Variants in VEZF1 observed in about 807,000 individuals in gnomAD.
VEZF1 encodes vascular endothelial zinc finger 1, also known as putative transcription factor DB1.
A neutral mutation model predicts 44.1 loss-of-function variants in VEZF1; 5 were observed. That is an observed-to-expected ratio of 0.11 (90% CI 0.06 to 0.24). The LOEUF is 0.24. Among genes scored for constraint, VEZF1 ranks in the 10% least tolerant of loss-of-function variants. VEZF1 has a pLI of 1.00. For synonymous variants in VEZF1, 236 were observed against 233.1 expected (o/e 1.01, Z -0.11); for missense variants, 358 against 641.8 (o/e 0.56, Z 4.78).
Position 57,979,240 on chromosome 17 carries a change from TTGTTGCTGC to T in VEZF1, c.1041_1049del (p.Gln352_Gln354del), listed in dbSNP as rs769222735. Reference sequence around the variant, plus strand: ...AGCTTGTCACATGTTGTTGTTGTTGTTGTTGCTGCTGCTGCTGCTGCTGCTGCTGCTGCT... The same window carrying T: ...AGCTTGTCACATGTTGTTGTTGTTGTTGCTGCTGCTGCTGCTGCTGCTGCT... On this transcript the variant is annotated inframe_deletion, in exon 5 of 6. Coordinates refer to ENST00000581208, the MANE Select transcript of VEZF1 (RefSeq NM_007146.3). 1 of 1,599,010 alleles carries T rather than the reference TTGTTGCTGC, an allele frequency of 6.3e-7. No individual in the cohort carries two copies.
chr17:57,979,689 G>A (rs1019011692), intron 4 of VEZF1, among the ~76,000 whole-genome samples: 1 of 152,158 alleles, frequency 6.6e-6, no homozygotes, highest in Non-Finnish European at 1.5e-5. Context: ...GCCGGGTGCA[G>A]TGGCTCATGC....
At position 57,988,162 on chromosome 17, in the gene VEZF1, T is replaced by A; in HGVS notation, c.-51A>T. ...CCCCACTCCCCCCGCTCGGGGAGCC[T>A]CCTCAGCCGGAGGAGGCGACAACAA... On this transcript the variant is annotated 5_prime_UTR_variant, in exon 1 of 6. Coordinates refer to ENST00000581208, the MANE Select transcript of VEZF1 (RefSeq NM_007146.3). 7.2e-6 allele frequency: 4 copies of A among 552,824 alleles called. No individual in the cohort carries two copies. Among genetic ancestry groups the A allele is most frequent in the South Asian group, 7.4e-5 (1 of 13,538 alleles). 34.2% of individuals were successfully genotyped at this position (552,824 alleles called of 1,614,324 possible). A position where few individuals can be genotyped will look rare whatever the true frequency, so the allele number is the denominator to read the frequency against.
intron 3 of VEZF1, among the ~76,000 whole-genome samples, chr17:57,981,128 G>A (rs575982304): frequency 6.6e-6 from 1 of 152,286 alleles, no homozygotes; most frequent in Non-Finnish European, 1.5e-5. Context: ...TCTGTAAAAT[G>A]GGGATAACAT....
rs2075262817 is a variant in VEZF1 at position 57,982,883 on chromosome 17, C to T, written c.544G>A (p.Ala182Thr). ...KNHACEMCGK[A>T]FRDVYHLNRH... ...TTGAGATGGTACACATCTCGGAAGG[C>T]CTTCCCACACATCTCACAAGCATGG... The change falls in exon 2 of 6, where the codon GCC (alanine) becomes ACC (threonine). Residue 182 changes from alanine (A) to threonine (T), a missense_variant. This residue lies in a region of VEZF1 where 117 missense variants were observed against 207.2 expected (regional missense o/e 0.56). Transcript: ENST00000581208. The T allele has an allele frequency of 1.9e-6, 3 of 1,614,140 alleles. No individual in the cohort carries two copies. The highest frequency in any genetic ancestry group is 2.5e-6 in the Non-Finnish European group (3 of 1,180,028).
At position 57,974,293 on chromosome 17, in the gene VEZF1, T is replaced by C. The variant is rs1329964202; in HGVS notation, c.*180A>G. On this transcript the variant is annotated 3_prime_UTR_variant, in exon 6 of 6. Coordinates refer to ENST00000581208, the MANE Select transcript of VEZF1 (RefSeq NM_007146.3). ...TAAACTAAAGTGGTCCAGTGATAAG[T>C]TACATACACACCCTACTTTGAATAA... is the stretch of plus-strand genomic sequence containing the variant. The C allele has an allele frequency of 2.8e-6, 2 of 708,386 alleles. No homozygotes were observed. Among genetic ancestry groups the C allele is most frequent in the Non-Finnish European group, 4.6e-6 (2 of 436,850 alleles). 43.9% of individuals were successfully genotyped at this position (708,386 alleles called of 1,614,324 possible).
chr17:57,976,888 C>CT (rs2075197135), intron 5 of VEZF1, among the ~76,000 whole-genome samples: 1 of 152,084 alleles, frequency 6.6e-6, no homozygotes, highest in African/African-American at 2.4e-5. Flanking sequence ...TCTCCACCTG[C>CT]TTTCACCAAA....
At position 57,988,075 on chromosome 17, in the gene VEZF1, G is replaced by A. The variant is rs2143394033; in HGVS notation, c.33+4C>T. On this transcript the variant is annotated splice_donor_region_variant and intron_variant, in intron 1 of 5. Coordinates refer to ENST00000581208, the MANE Select transcript of VEZF1 (RefSeq NM_007146.3). Reference sequence around the variant, plus strand: ...CCGTGCCCCCCCGGGGGGGCCCCCAGTACCTGGAACAGGAACGCGGTCCAG... The same window carrying A: ...CCGTGCCCCCCCGGGGGGGCCCCCAATACCTGGAACAGGAACGCGGTCCAG... The A allele has an allele frequency of 3.7e-6, 2 of 540,798 alleles. No homozygotes were observed. Among genetic ancestry groups the A allele is most frequent in the Non-Finnish European group, 5.0e-6 (2 of 396,472 alleles). The allele number at this position is 540,798 out of a possible 1,614,324, so 33.5% of individuals were successfully genotyped here. A position where few individuals can be genotyped will look rare whatever the true frequency, so the allele number is the denominator to read the frequency against.
rs141865746 is a variant in VEZF1 at position 57,978,433 on chromosome 17, T to A, written c.1138+719A>T. Among the ~76,000 whole-genome samples, 219 of 152,352 alleles carry A rather than the reference T, an allele frequency of 1.4e-3. 1 individual carries two copies. The highest frequency in any genetic ancestry group is 5.0e-3 in the African/African-American group (209 of 41,570). ...ATGATACATTGACAAAATGATTCAT[T>A]TGAAATGGCTGCACAATAGTCCAGA... On this transcript the variant is annotated intron_variant, in intron 5 of 5. Transcript: ENST00000581208.
At position 57,981,841 on chromosome 17, in the gene VEZF1, C is replaced by CAT; in HGVS notation, c.792+31_792+32insAT. 6 of 1,599,378 alleles carry CAT rather than the reference C, an allele frequency of 3.8e-6. No individual in the cohort carries two copies. The South Asian group carries it at 6.6e-5, about 18-fold the overall frequency. On this transcript the variant is annotated intron_variant, in intron 3 of 5. Transcript: ENST00000581208. ...CCTTCTGGATAATGTGCATTAAGTGCTACACTAAGGATAAGTCATTTTAAC... is the reference window on the plus strand; with the variant it reads ...CCTTCTGGATAATGTGCATTAAGTGCATTACACTAAGGATAAGTCATTTTAAC...
chr17:57,981,999 G>C, intron 2 of VEZF1, 63 bp from the exon 3 acceptor site: 1 of 1,556,228 alleles, frequency 6.4e-7, no homozygotes, highest in South Asian at 1.1e-5. Context: ...CTACTTATGT[G>C]ATGCTCACAT....
At position 57,980,497 on chromosome 17, in the gene VEZF1, G is replaced by A. The variant is rs796418400; in HGVS notation, c.976+106C>T. ...TGCCTGTTTGCACATGTTGGCAATA[G>A]GAGGAAACACGTAAGGTGAATATTA... is the stretch of plus-strand genomic sequence containing the variant. On this transcript the variant is annotated intron_variant, in intron 4 of 5. Transcript: ENST00000581208. The A allele has an allele frequency of 2.4e-5, 27 of 1,110,428 alleles. No individual in the cohort carries two copies. In the African/African-American group the frequency reaches 3.9e-4, roughly 16 times the overall value. The allele number at this position is 1,110,428 out of a possible 1,614,324, so 68.8% of individuals were successfully genotyped here.
chr17:57,987,519 C>T (rs1418074323), intron 1 of VEZF1, among the ~76,000 whole-genome samples: 1 of 152,142 alleles, frequency 6.6e-6, no homozygotes, highest in Admixed American at 6.5e-5. Context: ...CTGGGGATAC[C>T]CGCTATTCGC....
intron 1 of VEZF1, chr17:57,986,270 C>T (rs751177676): frequency 1.3e-5 from 2 of 152,030 alleles, no homozygotes; most frequent in Non-Finnish European, 2.9e-5. Flanking sequence ...ACCAGCTTTC[C>T]AAAGATGTGT....
chr17:57,974,243 T>C lies in VEZF1; in HGVS notation c.*230A>G. 3.6e-6 allele frequency: 2 copies of C among 557,704 alleles called. No homozygotes were observed. Among genetic ancestry groups the C allele is most frequent in the South Asian group, 5.1e-5 (2 of 38,912 alleles). 34.5% of individuals were successfully genotyped at this position (557,704 alleles called of 1,614,324 possible). ...CAACTACTATCCTGTTTAAGCAATG[T>C]TGTCAGCTAAAAGGAATTTCTGATT... On this transcript the variant is annotated 3_prime_UTR_variant, in exon 6 of 6. Transcript: ENST00000581208.
intron 1 of VEZF1, among the ~76,000 whole-genome samples, chr17:57,986,489 A>G (rs2075294984): frequency 6.6e-6 from 1 of 152,182 alleles, no homozygotes. Flanking sequence ...TTTCTTTTCC[A>G]ATGCATTTTC....
chr17:57,979,970 C>CAAAAAAAAAAAAAA (rs11359148), intron 4 of VEZF1, among the ~76,000 whole-genome samples: 1 of 68,438 alleles, frequency 1.5e-5, no homozygotes, highest in Non-Finnish European at 3.3e-5. Flanking sequence ...GACTCCGTCT[C>CAAAAAAAAAAAAAA]AAAAAAAAAA....
At chr17:57,980,051 T>C (rs1251050547) in intron 4 of VEZF1, among the ~76,000 whole-genome samples, 1 of 150,448 alleles carries the variant, frequency 6.6e-6, no homozygotes, top group Non-Finnish European at 1.5e-5. Flanking sequence ...TACAAAGAAG[T>C]GTACTTACAA....
At chr17:57,976,218 T>C (rs1044787785) in intron 5 of VEZF1, among the ~76,000 whole-genome samples, 1 of 151,910 alleles carries the variant, frequency 6.6e-6, no homozygotes, top group Admixed American at 6.5e-5. Flanking sequence ...AATGGAGAAA[T>C]ATACTTGAAC....
In VEZF1 at chr17:57,983,365, T is replaced by C; in HGVS notation, c.62A>G (p.Gln21Arg). Residue 21 changes from glutamine (Q) to arginine (R), a missense_variant, in exon 2 of 6, where the codon CAG (glutamine) becomes CGG (arginine). Physicochemically the swap from Gln to Arg is conservative, Grantham distance 43. Transcript: ENST00000581208. The part of the protein sequence containing the change: ...QAHEASHHQQ[Q>R]AAQNSLLPLL... Reference sequence around the variant, plus strand: ...GGGCAGCAAGCTGTTCTGTGCTGCCTGCTGTTGGTGATGGGAAGCTTCATG... The same window carrying C: ...GGGCAGCAAGCTGTTCTGTGCTGCCCGCTGTTGGTGATGGGAAGCTTCATG... The C allele has an allele frequency of 6.2e-7, 1 of 1,610,608 alleles. No individual in the cohort carries two copies. The highest frequency in any genetic ancestry group is 1.1e-5 in the South Asian group (1 of 90,578).
Sources: allele counts gnomAD v4.1 joint callset (sites outside exome capture counted in the v4.1 genomes callset), GRCh38; gene constraint gnomAD v4.1.1; regional missense constraint gnomAD v4.1.1; transcripts MANE v1.5; gene names NCBI Gene and HGNC (gene_info 2026-07-23, HGNC 2026-07-21).